Variants in RIC3 observed in about 807,000 individuals in gnomAD.
The protein encoded by RIC3 is RIC3 acetylcholine receptor chaperone.
In RIC3, 28 loss-of-function variants were observed where a neutral mutation model predicts 27.3. The observed-to-expected ratio is 1.02, with a 90% CI of 0.76 to 1.41. RIC3 has a LOEUF of 1.41. Among genes scored for constraint, RIC3 ranks in the 40% most tolerant of loss-of-function variants. The probability of loss-of-function intolerance (pLI) is 0.00; values close to 1 mark genes in which losing one functional copy is unlikely to be tolerated. For synonymous variants in RIC3, 184 were observed against 160.4 expected (o/e 1.15, Z -1.11); for missense variants, 501 against 444.7 (o/e 1.13, Z -1.14).
chr11:8,093,342 T>C, the RIC3 span, among the ~76,000 whole-genome samples: 3 of 152,116 alleles, frequency 2.0e-5, no homozygotes, highest in Admixed American at 2.0e-4. Context: ...CTGGTGTGGC[T>C]GCAACTCTTG....
At chr11:8,126,591 T>G (rs1249240950) in intron 5 of RIC3, 68 bp downstream of exon 5, 3 of 1,578,088 alleles carry the variant, frequency 1.9e-6, no homozygotes, top group Non-Finnish European at 2.6e-6. Flanking sequence ...GAAGCTGATT[T>G]TTTAAAAATC....
At chr11:8,134,043 T>C (rs1384019871) in intron 4 of RIC3, among the ~76,000 whole-genome samples, 3 of 151,924 alleles carry the variant, frequency 2.0e-5, no homozygotes. Context: ...ATGTGCACAA[T>C]GTGCTGGTTT....
At chr11:8,101,700 T>A, downstream of RIC3, 1 of 1,557,702 alleles carries the variant, frequency 6.4e-7, no homozygotes, top group Non-Finnish European at 8.7e-7. Context: ...CTGCCTATCC[T>A]CTGTATATAG....
the RIC3 span, chr11:8,100,835 A>G: frequency 6.2e-7 from 1 of 1,613,896 alleles, no homozygotes; most frequent in African/African-American, 1.3e-5. Context: ...GGAGCATGAG[A>G]CACTGCTAGC....
chr11:8,099,355 A>C, the RIC3 span, among the ~76,000 whole-genome samples: 1 of 152,034 alleles, frequency 6.6e-6, no homozygotes, highest in East Asian at 1.9e-4. Context: ...ATATAAATAT[A>C]GGGGATTACT....
chr11:8,132,631 T>G (rs1947870753), intron 4 of RIC3, among the ~76,000 whole-genome samples: 1 of 152,230 alleles, frequency 6.6e-6, no homozygotes, highest in Non-Finnish European at 1.5e-5. Flanking sequence ...TTAGATAATA[T>G]CAAAAACTTT....
In RIC3 at chr11:8,110,640, C is replaced by T. The variant is rs1362801109; in HGVS notation, c.*58G>A. ...CAGGGCACAGGGCCAAGAAGGAAAT[C>T]TGAGGAGAGAGAGGTCACCTTGGGA... On this transcript the variant is annotated 3_prime_UTR_variant, in exon 6 of 6. Coordinates refer to ENST00000309737, the MANE Select transcript of RIC3 (RefSeq NM_001206671.4). 3 of 1,486,930 alleles carry T rather than the reference C, an allele frequency of 2.0e-6. No homozygotes were observed. In the Admixed American group the frequency reaches 5.0e-5, roughly 25 times the overall value. The allele number at this position is 1,486,930 out of a possible 1,614,324, so 92.1% of individuals were successfully genotyped here.
At chr11:8,165,757 T>G (rs888875806) in intron 1 of RIC3, among the ~76,000 whole-genome samples, 37 of 146,486 alleles carry the variant, frequency 2.5e-4, no homozygotes, top group African/African-American at 8.9e-4. Context: ...ATGAAACCTG[T>G]TTTTTGGGGT....
chr11:8,117,783 A>G (rs1946013645), intron 5 of RIC3, among the ~76,000 whole-genome samples: 1 of 152,132 alleles, frequency 6.6e-6, no homozygotes, highest in Admixed American at 6.5e-5. Context: ...TACATATATC[A>G]AAACATCAAT....
intron 5 of RIC3, among the ~76,000 whole-genome samples, chr11:8,122,763 C>T (rs1179846745): frequency 6.6e-6 from 1 of 150,584 alleles, no homozygotes; most frequent in Non-Finnish European, 1.5e-5. Flanking sequence ...TAAATGCTAA[C>T]CTAATAAATC....
intron 1 of RIC3, among the ~76,000 whole-genome samples, chr11:8,163,316 C>T (rs955612664): frequency 2.0e-5 from 3 of 152,046 alleles, no homozygotes; most frequent in Admixed American, 6.5e-5. Flanking sequence ...CAGGCATCTA[C>T]GAAATGCCCC....
intron 1 of RIC3, among the ~76,000 whole-genome samples, chr11:8,151,097 C>T (rs1333372509): frequency 6.6e-6 from 1 of 152,116 alleles, no homozygotes; most frequent in Admixed American, 6.5e-5. Context: ...GTTTCTTAGA[C>T]AGGACACCAA....
At chr11:8,119,591 C>T (rs1039527846) in intron 5 of RIC3, among the ~76,000 whole-genome samples, 1 of 152,066 alleles carries the variant, frequency 6.6e-6, no homozygotes, top group Non-Finnish European at 1.5e-5. Flanking sequence ...CCATAAAAAC[C>T]CTAGAAGAAA....
chr11:8,112,710 T>C (rs970786790), intron 5 of RIC3, among the ~76,000 whole-genome samples: 6 of 152,252 alleles, frequency 3.9e-5, no homozygotes, highest in East Asian at 1.9e-4. Flanking sequence ...TCCATGTCAT[T>C]AGGCATTTGA....
intron 5 of RIC3, among the ~76,000 whole-genome samples, chr11:8,113,796 G>C (rs949676114): frequency 6.6e-6 from 1 of 152,132 alleles, no homozygotes; most frequent in African/African-American, 2.4e-5. Flanking sequence ...AATGAACCTA[G>C]CCTTCAGACA....
intron 4 of RIC3, among the ~76,000 whole-genome samples, chr11:8,129,853 C>T (rs1346142031): frequency 1.3e-5 from 2 of 152,186 alleles, no homozygotes; most frequent in Non-Finnish European, 2.9e-5. Context: ...CCAATGACTT[C>T]CAAACCTGAG....
Position 8,168,957 on chromosome 11 carries a change from C to T in RIC3, c.33G>A (p.Leu11=), listed in dbSNP as rs1565157006. 1.9e-6 allele frequency: 3 copies of T among 1,609,440 alleles called. No individual in the cohort carries two copies. The highest frequency in any genetic ancestry group is 1.7e-5 in the Admixed American group (1 of 59,490). MAYSTVQRVA[L]ASGLVLALSL... is the part of the protein sequence containing the mutation. ...ACAGAGCCAGGACAAGCCCAGAAGC[C>T]AGAGCGACTCTCTGCACTGTGGAGT... The change falls in exon 1 of 6, where the codon CTG becomes CTA. Residue 11 remains leucine, a synonymous_variant. Transcript: ENST00000309737.
chr11:8,114,222 C>T (rs570796642), intron 5 of RIC3, among the ~76,000 whole-genome samples: 1 of 152,294 alleles, frequency 6.6e-6, no homozygotes, highest in South Asian at 2.1e-4. Context: ...TGCACAGATA[C>T]CAATGCATAG....
At chr11:8,101,856 G>GATACGGCGTC, downstream of RIC3, 6 of 482,860 alleles carry the variant, frequency 1.2e-5, no homozygotes, top group South Asian at 1.1e-4. Context: ...TTCTTTCCAT[G>GATACGGCGTC]CCACGAGATC....
Sources: gnomAD v4.1 joint callset for allele counts (sites outside exome capture counted in the v4.1 genomes callset) on GRCh38, gnomAD v4.1.1 for gene constraint, MANE v1.5 for transcripts, NCBI Gene and HGNC (gene_info 2026-07-23, HGNC 2026-07-21) for gene names.